The following MAD1L1 variants were observed in gnomAD, a reference collection of about 807,000 sequenced individuals.
MAD1L1 encodes the protein mitotic spindle assembly checkpoint protein MAD1.
Under a neutral mutation model 96.9 loss-of-function variants are expected in MAD1L1, and 95 were observed. That is an observed-to-expected ratio of 0.98 (90% CI 0.83 to 1.16). MAD1L1 has a LOEUF of 1.16. Ranked by LOEUF, MAD1L1 falls within the 50% of genes most tolerant of loss-of-function variation. The pLI, the probability that MAD1L1 is intolerant of heterozygous loss-of-function variation, is 0.00. For missense variants in MAD1L1, 1,007 were observed against 954.4 expected (o/e 1.06, Z -0.73); for synonymous variants, 473 against 396.6 (o/e 1.19, Z -2.29).
intron 10 of MAD1L1, among the ~76,000 whole-genome samples, chr7:2,195,242 C>A (rs1791927146): frequency 6.6e-6 from 1 of 152,182 alleles, no homozygotes; most frequent in Non-Finnish European, 1.5e-5. Context: ...GTAATAGCTA[C>A]CAATGACACT....
At chr7:2,098,645 T>C (rs1441494624) in intron 11 of MAD1L1, among the ~76,000 whole-genome samples, 2 of 152,154 alleles carry the variant, frequency 1.3e-5, no homozygotes, top group Non-Finnish European at 2.9e-5. Flanking sequence ...AGCACAGCCC[T>C]GGTCACGGAG....
rs1046727533 is a variant in MAD1L1, at chr7:2,104,996, G to C, written c.1074-35658C>G. Reference sequence around the variant, plus strand: ...AAGGGAACTACGCACAGCCCGCCTGGAGATGGGATTCCTGGCACAGCCTGA... The same window carrying C: ...AAGGGAACTACGCACAGCCCGCCTGCAGATGGGATTCCTGGCACAGCCTGA... On this transcript the variant is annotated intron_variant, in intron 11 of 18. Transcript: ENST00000265854. Among the ~76,000 whole-genome samples, 12 of 152,220 alleles carry C rather than the reference G, an allele frequency of 7.9e-5. 1 individual carries two copies. The highest frequency in any genetic ancestry group is 7.8e-4 in the Admixed American group (12 of 15,288).
Position 2,069,354 on chromosome 7 carries a change from A to G in MAD1L1, c.1074-16T>C. ...CCCCCGGGCGCTGCATGGGAGAGAC[A>G]AGAGGGCAAAGCAATGAAGCCTGGG... On this transcript the variant is annotated splice_polypyrimidine_tract_variant and intron_variant, in intron 11 of 18. Coordinates refer to ENST00000265854, the MANE Select transcript of MAD1L1 (RefSeq NM_001013836.2). The G allele has an allele frequency of 6.4e-7, 1 of 1,570,200 alleles. No individual in the cohort carries two copies. The highest frequency in any genetic ancestry group is 1.2e-5 in the South Asian group (1 of 85,018).
chr7:1,836,505 AC>A (rs1244095858), intron 18 of MAD1L1, among the ~76,000 whole-genome samples: 1 of 152,052 alleles, frequency 6.6e-6, no homozygotes, highest in East Asian at 1.9e-4. Context: ...GTCTTATTTC[AC>A]CCAGTCCTTA....
intron 16 of MAD1L1, among the ~76,000 whole-genome samples, chr7:1,952,676 C>A (rs1020067145): frequency 3.9e-5 from 6 of 152,176 alleles, no homozygotes; most frequent in African/African-American, 1.4e-4. Context: ...CGTGATCCTG[C>A]CTCCCAGGAA....
At chr7:2,190,400 A>G (rs1466939401) in intron 10 of MAD1L1, among the ~76,000 whole-genome samples, 1 of 152,246 alleles carries the variant, frequency 6.6e-6, no homozygotes, top group Non-Finnish European at 1.5e-5. Context: ...AAAGCTAGAA[A>G]GTTTCTAAAA....
At chr7:2,106,450 A>G (rs987504854) in intron 11 of MAD1L1, among the ~76,000 whole-genome samples, 5 of 140,924 alleles carry the variant, frequency 3.5e-5, no homozygotes, top group Admixed American at 1.4e-4. Flanking sequence ...TGCCCTTCCC[A>G]CATGCGCTCC....
At chr7:1,935,565 C>A (rs1778550139) in intron 17 of MAD1L1, among the ~76,000 whole-genome samples, 1 of 152,316 alleles carries the variant, frequency 6.6e-6, no homozygotes, top group East Asian at 1.9e-4. Flanking sequence ...ACCTAAGACC[C>A]TCCCCACAAA....
At chr7:1,897,313 G>A (rs1347412066) in intron 18 of MAD1L1, among the ~76,000 whole-genome samples, 3 of 150,358 alleles carry the variant, frequency 2.0e-5, no homozygotes, top group Admixed American at 1.3e-4. Flanking sequence ...CAGTTTAGAC[G>A]CCCGTTCCAG....
At chr7:1,853,846 G>C (rs1289804009) in intron 18 of MAD1L1, among the ~76,000 whole-genome samples, 1 of 152,148 alleles carries the variant, frequency 6.6e-6, no homozygotes, top group Non-Finnish European at 1.5e-5. Context: ...AGCAGGGGAG[G>C]ACCGGGCAGG....
chr7:1,955,801 A>G (rs989985957), intron 16 of MAD1L1, among the ~76,000 whole-genome samples: 18 of 152,012 alleles, frequency 1.2e-4, no homozygotes, highest in African/African-American at 3.6e-4. Context: ...GTCCTGTTGC[A>G]TTTTGTTGCA....
At chr7:2,211,535 G>T (rs1014959801) in intron 10 of MAD1L1, among the ~76,000 whole-genome samples, 1 of 152,234 alleles carries the variant, frequency 6.6e-6, no homozygotes, top group Non-Finnish European at 1.5e-5. Context: ...CCCTTCACAG[G>T]AAAGAAGTCA....
At chr7:2,054,733 T>C (rs1458483706) in intron 12 of MAD1L1, among the ~76,000 whole-genome samples, 1 of 152,244 alleles carries the variant, frequency 6.6e-6, no homozygotes, top group Non-Finnish European at 1.5e-5. Context: ...GAAGCCGGGC[T>C]GGCCAGCGTC....
At chr7:2,066,829 A>G (rs959734463) in intron 12 of MAD1L1, among the ~76,000 whole-genome samples, 2 of 152,254 alleles carry the variant, frequency 1.3e-5, no homozygotes, top group Admixed American at 6.5e-5. Context: ...CGTGGGTCAC[A>G]GGCTGCAGGC....
intron 18 of MAD1L1, among the ~76,000 whole-genome samples, chr7:1,826,501 C>T (rs1782401547): frequency 1.3e-5 from 2 of 152,226 alleles, no homozygotes; most frequent in Non-Finnish European, 2.9e-5. Context: ...CGCGGAGCTC[C>T]TGGTCCAGAG....
chr7:1,851,190 C>A (rs968788896), intron 18 of MAD1L1, among the ~76,000 whole-genome samples: 1 of 152,194 alleles, frequency 6.6e-6, no homozygotes, highest in East Asian at 1.9e-4. Context: ...ATGCCCAGAC[C>A]AGAGCGGGCG....
In MAD1L1 at chr7:1,887,527, GTC is replaced by G. The variant is rs561173202; in HGVS notation, c.1998+10671_1998+10672del. ...TGTATGTGGCTGCCTGTGCGTGTGTGTCTGCATGTGGCTGCCTGTGCATGTGT... is the reference window on the plus strand; with the variant it reads ...TGTATGTGGCTGCCTGTGCGTGTGTGTGCATGTGGCTGCCTGTGCATGTGT... On this transcript the variant is annotated intron_variant, in intron 18 of 18. Coordinates refer to ENST00000265854, the MANE Select transcript of MAD1L1 (RefSeq NM_001013836.2). Among the ~76,000 whole-genome samples, 669 of 151,762 alleles carry G rather than the reference GTC, an allele frequency of 4.4e-3. 8 individuals carry two copies. Among genetic ancestry groups the G allele is most frequent in the African/African-American group, 0.013 (543 of 41,346 alleles).
intron 15 of MAD1L1, among the ~76,000 whole-genome samples, chr7:1,965,339 T>C (rs1487209185): frequency 1.3e-5 from 2 of 152,200 alleles, no homozygotes; most frequent in South Asian, 2.1e-4. Context: ...GACATGGCAG[T>C]GTGACGGGTG....
At chr7:2,065,236 GC>G (rs1257792325) in intron 12 of MAD1L1, among the ~76,000 whole-genome samples, 1 of 152,154 alleles carries the variant, frequency 6.6e-6, no homozygotes, top group Non-Finnish European at 1.5e-5. Context: ...GTCTCCATCT[GC>G]CTTCAGCTGT....
Sources: allele counts gnomAD v4.1 joint callset (sites outside exome capture counted in the v4.1 genomes callset), GRCh38; gene constraint gnomAD v4.1.1; transcripts MANE v1.5; gene names NCBI Gene and HGNC (gene_info 2026-07-23, HGNC 2026-07-21).